The following NR2F2 variants were observed in gnomAD, a reference collection of about 807,000 sequenced individuals.
The protein encoded by NR2F2 is nuclear receptor subfamily 2 group F member 2.
In NR2F2, 2 loss-of-function variants were observed where a neutral mutation model predicts 34.8. That is an observed-to-expected ratio of 0.06 (90% CI 0.02 to 0.18). NR2F2 has a LOEUF of 0.18. Ranked by LOEUF, NR2F2 falls within the 10% of genes least tolerant of loss-of-function variation. The probability of loss-of-function intolerance (pLI) is 1.00; values close to 1 mark genes in which losing one functional copy is unlikely to be tolerated. For synonymous variants in NR2F2, 274 were observed against 251.8 expected, an observed-to-expected ratio of 1.09 and a Z score of -0.84; for missense variants, 300 against 580.1, an observed-to-expected ratio of 0.52 and a Z score of 4.96.
At chr15:96,333,592 G>C (rs981424622) in intron 1 of NR2F2, 2 of 1,014,530 alleles carry the variant, frequency 2.0e-6, no homozygotes, top group African/African-American at 3.4e-5. Flanking sequence ...TGGGGCTGGG[G>C]CTTCGGGGTT....
Position 96,337,577 on chromosome 15 carries a change from A to G in NR2F2, c.1200A>G (p.Leu400=), listed in dbSNP as rs763750466. Residue 400 remains leucine (L), a synonymous_variant, in exon 3 of 3, where the codon TTA becomes TTG. Transcript: ENST00000394166. Reference sequence around the variant, plus strand: ...TCGAAACCCTCATCCGGGATATGTTACTGTCCGGCAGCAGTTTTAACTGGC... The same window carrying G: ...TCGAAACCCTCATCCGGGATATGTTGCTGTCCGGCAGCAGTTTTAACTGGC... ...TPIETLIRDM[L]LSGSSFNWPY... 4 of 1,614,166 alleles carry G rather than the reference A, an allele frequency of 2.5e-6. No homozygotes were observed. Among genetic ancestry groups the G allele is most frequent in the Non-Finnish European group, 3.4e-6 (4 of 1,180,026 alleles).
Position 96,337,297 on chromosome 15 carries a change from TTC to T in NR2F2, c.971-49_971-48del. 1.9e-6 allele frequency: 3 copies of T among 1,582,568 alleles called. No individual in the cohort carries two copies. The Admixed American group carries it at 5.3e-5, about 28-fold the overall frequency. Reference sequence around the variant, plus strand: ...GATGACTGAATTCTTCTTCTTCTTCTTCTTCTTCTTTTTCTTCTTCTTCTTCT... The same window carrying T: ...GATGACTGAATTCTTCTTCTTCTTCTTTCTTCTTTTTCTTCTTCTTCTTCT... On this transcript the variant is annotated intron_variant, in intron 2 of 2. Transcript: ENST00000394166.
At position 96,330,943 on chromosome 15, in the gene NR2F2, G is replaced by A. The variant is rs1899118325; in HGVS notation, c.-1163G>A. On this transcript the variant is annotated 5_prime_UTR_variant, in exon 1 of 3. Transcript: ENST00000394166. ...CTCCGTCTTTTTCTCCCCCCTCTGC[G>A]CACGAAGGATGTGCTTCTAGGTGGT... is the stretch of plus-strand genomic sequence containing the variant. 8.8e-7 allele frequency: 1 copy of A among 1,142,816 alleles called. No individual in the cohort carries two copies. Among genetic ancestry groups the A allele is most frequent in the Non-Finnish European group, 1.1e-6 (1 of 929,544 alleles). 70.8% of individuals were successfully genotyped at this position (1,142,816 alleles called of 1,614,324 possible).
chr15:96,335,630 G>A (rs1008914205), intron 2 of NR2F2, among the ~76,000 whole-genome samples: 5 of 152,144 alleles, frequency 3.3e-5, no homozygotes, highest in African/African-American at 1.2e-4. Flanking sequence ...ACAAACATCT[G>A]GACGTTAGCA....
At position 96,332,565 on chromosome 15, in the gene NR2F2, C is replaced by T; in HGVS notation, c.442+18C>T. 6.2e-7 allele frequency: 1 copy of T among 1,601,766 alleles called. No homozygotes were observed. The highest frequency in any genetic ancestry group is 8.5e-7 in the Non-Finnish European group (1 of 1,169,726). On this transcript the variant is annotated intron_variant, in intron 1 of 2. Transcript: ENST00000394166. Reference sequence around the variant, plus strand: ...ACGGGAAGGTATCGGCCTCTCATTTCTCCTTCCCTCGTCCTGGGTCCCGGG... The same window carrying T: ...ACGGGAAGGTATCGGCCTCTCATTTTTCCTTCCCTCGTCCTGGGTCCCGGG...
At chr15:96,330,386 G>T (rs1181054168), upstream of NR2F2, among the ~76,000 whole-genome samples, 5 of 150,464 alleles carry the variant, frequency 3.3e-5, no homozygotes, top group African/African-American at 1.2e-4. Context: ...GGCCAGCACG[G>T]GCCCATCCCC....
chr15:96,337,831 A>C lies in NR2F2; in HGVS notation c.*209A>C. The stretch of plus-strand genomic sequence containing the variant: ...TTTTACAGAATGCATTAAAAAAAAA[A>C]AAAAACTCCTGTGTCGGTCAGAACA... On this transcript the variant is annotated 3_prime_UTR_variant, in exon 3 of 3. Coordinates refer to ENST00000394166, the MANE Select transcript of NR2F2 (RefSeq NM_021005.4). 1 of 443,882 alleles carries C rather than the reference A, an allele frequency of 2.3e-6. No individual in the cohort carries two copies. The highest frequency in any genetic ancestry group is 3.9e-6 in the Non-Finnish European group (1 of 258,284). The allele number at this position is 443,882 out of a possible 1,614,324, so 27.5% of individuals were successfully genotyped here. A position where few individuals can be genotyped will look rare whatever the true frequency, so the allele number is the denominator to read the frequency against.
chr15:96,333,449 G>A (rs1214989958), intron 1 of NR2F2: 12 of 1,002,482 alleles, frequency 1.2e-5, no homozygotes, highest in Non-Finnish European at 1.4e-5. Context: ...TGCCTCTCCC[G>A]GCTTCCTCTC....
In NR2F2 at chr15:96,332,408, C is replaced by T. The variant is rs1329863184; in HGVS notation, c.303C>T (p.Ser101=). The T allele has an allele frequency of 6.2e-7, 1 of 1,614,194 alleles. No homozygotes were observed. The highest frequency in any genetic ancestry group is 8.5e-7 in the Non-Finnish European group (1 of 1,180,026). Residue 101 remains serine, a synonymous_variant, in exon 1 of 3, where the codon AGC becomes AGT. Coordinates refer to ENST00000394166, the MANE Select transcript of NR2F2 (RefSeq NM_021005.4). ...AGTTCACGTGCGAGGGCTGCAAGAGCTTCTTCAAGCGCAGCGTGCGGAGGA... is the reference window on the plus strand; with the variant it reads ...AGTTCACGTGCGAGGGCTGCAAGAGTTTCTTCAAGCGCAGCGTGCGGAGGA... ...YGQFTCEGCK[S]FFKRSVRRNL...
intron 1 of NR2F2, 151 bp downstream of exon 1, chr15:96,332,698 T>C: frequency 2.1e-6 from 3 of 1,432,768 alleles, no homozygotes; most frequent in South Asian, 1.5e-5. Context: ...GAGTTCTGCA[T>C]TGGAACCCAG....
intron 1 of NR2F2, 134 bp downstream of exon 1, chr15:96,332,681 T>C: frequency 6.9e-7 from 1 of 1,445,762 alleles, no homozygotes; most frequent in Non-Finnish European, 9.1e-7. Context: ...GGTTTTATAC[T>C]AGAAGCGAGT....
upstream of NR2F2, among the ~76,000 whole-genome samples, chr15:96,330,430 C>T (rs1159195316): frequency 6.8e-6 from 1 of 146,582 alleles, no homozygotes; most frequent in Non-Finnish European, 1.5e-5. Flanking sequence ...GGCGCGGCCA[C>T]CCCGTCCCCG....
At position 96,334,622 on chromosome 15, in the gene NR2F2, T is replaced by G; in HGVS notation, c.970+19T>G. 6.4e-7 allele frequency: 1 copy of G among 1,569,190 alleles called. No individual in the cohort carries two copies. Among genetic ancestry groups the G allele is most frequent in the Non-Finnish European group, 8.7e-7 (1 of 1,154,502 alleles). ...ACCTCAGGTAGGAAGGAGCCCTGTC[T>G]TCTCGTGCCCACGGGCTCCTAGCCC... On this transcript the variant is annotated intron_variant, in intron 2 of 2. Transcript: ENST00000394166.
rs1046120510 is a variant in NR2F2, at chr15:96,331,520, C to T, written c.-586C>T. 3 of 1,230,610 alleles carry T rather than the reference C, an allele frequency of 2.4e-6. No individual in the cohort carries two copies. The highest frequency in any genetic ancestry group is 3.2e-5 in the East Asian group (1 of 31,614). 76.2% of individuals were successfully genotyped at this position (1,230,610 alleles called of 1,614,324 possible). A position where few individuals can be genotyped will look rare whatever the true frequency, so the allele number is the denominator to read the frequency against. On this transcript the variant is annotated 5_prime_UTR_variant, in exon 1 of 3. Coordinates refer to ENST00000394166, the MANE Select transcript of NR2F2 (RefSeq NM_021005.4). The stretch of plus-strand genomic sequence containing the variant: ...ACTGTGGGCTGCCCTGGACTTGGCC[C>T]CCGGACAGTCGCCTCTCCTCCTCCT...
chr15:96,333,905 A>G, intron 1 of NR2F2, 171 bp from the exon 2 acceptor site: 1 of 1,449,710 alleles, frequency 6.9e-7, no homozygotes, highest in Non-Finnish European at 9.0e-7. Context: ...TGGTGGTTTG[A>G]AAGGAATGGT....
Position 96,339,986 on chromosome 15 carries a change from A to G in NR2F2, c.*2364A>G, listed in dbSNP as rs1212729450. The G allele has an allele frequency of 6.6e-6, 1 of 152,222 alleles. No individual in the cohort carries two copies. Among genetic ancestry groups the G allele is most frequent in the Non-Finnish European group, 1.5e-5 (1 of 68,040 alleles). The allele number at this position is 152,222 out of a possible 1,614,324, so 9.4% of individuals were successfully genotyped here. A position where few individuals can be genotyped will look rare whatever the true frequency, so the allele number is the denominator to read the frequency against. On this transcript the variant is annotated 3_prime_UTR_variant, in exon 3 of 3. Transcript: ENST00000394166. Reference sequence around the variant, plus strand: ...AAATCTGATTTGTGCAGAGTTCTCCATCTGACTCTCACTTATTTCTGTAGA... The same window carrying G: ...AAATCTGATTTGTGCAGAGTTCTCCGTCTGACTCTCACTTATTTCTGTAGA...
chr15:96,328,564 A>C (rs1899049500), upstream of NR2F2, among the ~76,000 whole-genome samples: 2 of 152,218 alleles, frequency 1.3e-5, no homozygotes, highest in South Asian at 4.1e-4. Flanking sequence ...TGAATCATAG[A>C]GGTTGGAAGG....
intron 1 of NR2F2, 169 bp from the exon 2 acceptor site, chr15:96,333,907 A>C: frequency 3.4e-6 from 5 of 1,451,560 alleles, no homozygotes; most frequent in Non-Finnish European, 3.6e-6. Flanking sequence ...GTGGTTTGAA[A>C]GGAATGGTGC....
rs2141165183 is a variant in NR2F2 at position 96,331,062 on chromosome 15, G to A, written c.-1044G>A. 1 of 1,240,860 alleles carries A rather than the reference G, an allele frequency of 8.1e-7. No homozygotes were observed. The highest frequency in any genetic ancestry group is 1.0e-6 in the Non-Finnish European group (1 of 996,594). 76.9% of individuals were successfully genotyped at this position (1,240,860 alleles called of 1,614,324 possible). A position where few individuals can be genotyped will look rare whatever the true frequency, so the allele number is the denominator to read the frequency against. ...GTGTGAGGCGGCGGCGGCAGCAGCA[G>A]CAGCAGCGGCTCCGGCGGCGGCAGC... On this transcript the variant is annotated 5_prime_UTR_variant, in exon 1 of 3. Transcript: ENST00000394166.
Sources: allele counts gnomAD v4.1 joint callset (sites outside exome capture counted in the v4.1 genomes callset), GRCh38; gene constraint gnomAD v4.1.1; transcripts MANE v1.5; gene names NCBI Gene and HGNC (gene_info 2026-07-23, HGNC 2026-07-21).